The following MIB2 variants were observed in gnomAD, a reference collection of about 807,000 sequenced individuals.
MIB2 encodes the protein E3 ubiquitin-protein ligase MIB2.
Under a neutral mutation model 96.6 loss-of-function variants are expected in MIB2, and 78 were observed. The ratio of observed to expected loss-of-function variants is 0.81; its 90% CI spans 0.67 to 0.97. The LOEUF is 0.97. Ranked by LOEUF, MIB2 falls within the 50% of genes least tolerant of loss-of-function variation. MIB2 has a pLI of 0.00. For missense variants in MIB2, 1,543 were observed against 1,424.0 expected (o/e 1.08, Z -1.35); for synonymous variants, 820 against 629.5 (o/e 1.30, Z -4.53).
In MIB2 at chr1:1,626,398, C is replaced by G; in HGVS notation, c.973-252C>G. 1.9e-6 allele frequency: 1 copy of G among 518,270 alleles called. No individual in the cohort carries two copies. The highest frequency in any genetic ancestry group is 3.4e-6 in the Non-Finnish European group (1 of 295,404). 32.1% of individuals were successfully genotyped at this position (518,270 alleles called of 1,614,324 possible). A position where few individuals can be genotyped will look rare whatever the true frequency, so the allele number is the denominator to read the frequency against. On this transcript the variant is annotated intron_variant, in intron 8 of 19. Coordinates refer to ENST00000355826, the MANE Select transcript of MIB2 (RefSeq NM_001170687.4). This position sits in a 1 kb window ranked among gnomAD's most constrained non-coding sequence, Gnocchi z 5.3. Reference sequence around the variant, plus strand: ...AGGGCCAGCCACCTCGGCTTCACACCTGCCCAGAGCTGGCTTCTGTCTGCC... The same window carrying G: ...AGGGCCAGCCACCTCGGCTTCACACGTGCCCAGAGCTGGCTTCTGTCTGCC...
rs913956266 is a variant in MIB2, at chr1:1,626,512, T to C, written c.973-138T>C. On this transcript the variant is annotated intron_variant, in intron 8 of 19. Transcript: ENST00000355826. This position sits in a 1 kb window ranked among gnomAD's most constrained non-coding sequence, Gnocchi z 5.3. ...CTCGTCCAGCCAGAGCCTCTGGCAG[T>C]GCCTGGGGTCGGGGTCGGGGCCGGG... 3 of 697,650 alleles carry C rather than the reference T, an allele frequency of 4.3e-6. No individual in the cohort carries two copies. Among genetic ancestry groups the C allele is most frequent in the African/African-American group, 3.6e-5 (2 of 55,484 alleles). The allele number at this position is 697,650 out of a possible 1,614,324, so 43.2% of individuals were successfully genotyped here.
rs1003691696 is a variant in MIB2 at position 1,616,365 on chromosome 1, A to C, written c.-129-143A>C. The stretch of plus-strand genomic sequence containing the variant: ...TGCGCGCTCAGACCCCAGGGAGCCC[A>C]TCCGGGCAGGCGGCGGCCCTGAGTG... On this transcript the variant is annotated intron_variant, in intron 1 of 19. Coordinates refer to ENST00000355826, the MANE Select transcript of MIB2 (RefSeq NM_001170687.4). The C allele has an allele frequency of 7.9e-6, 5 of 630,328 alleles. No individual in the cohort carries two copies. In the Admixed American group the frequency reaches 1.7e-4, roughly 22 times the overall value. The allele number at this position is 630,328 out of a possible 1,614,324, so 39.0% of individuals were successfully genotyped here. A position where few individuals can be genotyped will look rare whatever the true frequency, so the allele number is the denominator to read the frequency against.
chr1:1,627,518 C>T lies in MIB2; in HGVS notation c.1523+74C>T, dbSNP rs998199809. ...GGGGTGAGGCCTGGGAGGGGCCCGG[C>T]CGGCGGGGCTGAGCCTGTGCGTCCT... On this transcript the variant is annotated intron_variant, in intron 12 of 19. Transcript: ENST00000355826. 3.3e-6 allele frequency: 5 copies of T among 1,495,496 alleles called. No homozygotes were observed. In the Admixed American group the frequency reaches 6.7e-5, roughly 20 times the overall value. 92.6% of individuals were successfully genotyped at this position (1,495,496 alleles called of 1,614,324 possible). A position where few individuals can be genotyped will look rare whatever the true frequency, so the allele number is the denominator to read the frequency against.
At chr1:1,627,866 G>C (rs759006522) in intron 13 of MIB2, 37 bp downstream of exon 13, 2 of 1,592,878 alleles carry the variant, frequency 1.3e-6, no homozygotes, top group South Asian at 1.1e-5. Flanking sequence ...CCCCCTGCCC[G>C]TGAGTGCTTG....
chr1:1,627,496 G>A, intron 12 of MIB2, 52 bp downstream of exon 12: 1 of 1,544,650 alleles, frequency 6.5e-7, no homozygotes, highest in Non-Finnish European at 8.7e-7. Context: ...GCGTCCTGGG[G>A]TGAGGCCTGG....
In MIB2 at chr1:1,625,805, G is replaced by A. The variant is rs72634817; in HGVS notation, c.972+152G>A. The A allele has an allele frequency of 0.3, 195,909 of 644,162 alleles. 34,357 individuals carry two copies. Among genetic ancestry groups the A allele is most frequent in the Non-Finnish European group, 0.38 (140,074 of 371,476 alleles). The allele number at this position is 644,162 out of a possible 1,614,324, so 39.9% of individuals were successfully genotyped here. The stretch of plus-strand genomic sequence containing the variant: ...GAAGGGGAGGGACTGGTGGGTGGAG[G>A]TGGGTGGGGTCAAGGAGAAGAGGGG... On this transcript the variant is annotated intron_variant, in intron 8 of 19. Coordinates refer to ENST00000355826, the MANE Select transcript of MIB2 (RefSeq NM_001170687.4). This position sits in a 1 kb window ranked among gnomAD's most constrained non-coding sequence, Gnocchi z 5.0.
chr1:1,627,245 TGAGA>T, intron 11 of MIB2, 38 bp downstream of exon 11: 1 of 1,612,620 alleles, frequency 6.2e-7, no homozygotes, highest in Non-Finnish European at 8.5e-7. Context: ...CTGGCCAGTC[TGAGA>T]GTGAGGGGCA....
rs1643718038 is a variant in MIB2, at chr1:1,616,584, C to T, written c.-53C>T. 2 of 1,601,580 alleles carry T rather than the reference C, an allele frequency of 1.2e-6. No individual in the cohort carries two copies. The highest frequency in any genetic ancestry group is 2.7e-5 in the African/African-American group (2 of 74,510). ...GGGCTGCAGCCCAGGAGCCTCAAGG[C>T]GGCCCGGCGGGCGACTGGACGGCCG... is the stretch of plus-strand genomic sequence containing the variant. On this transcript the variant is annotated 5_prime_UTR_variant, in exon 2 of 20. Coordinates refer to ENST00000355826, the MANE Select transcript of MIB2 (RefSeq NM_001170687.4).
chr1:1,620,275 A>G, intron 2 of MIB2, among the ~76,000 whole-genome samples: 1 of 152,084 alleles, frequency 6.6e-6, no homozygotes, highest in Non-Finnish European at 1.5e-5. Flanking sequence ...CCTGCTGCAG[A>G]AGGATCACAG....
chr1:1,616,063 G>A, intron 1 of MIB2: 2 of 984,278 alleles, frequency 2.0e-6, no homozygotes, highest in Non-Finnish European at 2.4e-6. Context: ...GAGCGGAGCG[G>A]GCGGGACGGA....
intron 2 of MIB2, chr1:1,616,998 C>G: frequency 4.3e-6 from 1 of 230,926 alleles, no homozygotes; most frequent in Non-Finnish European, 8.7e-6. Context: ...GACACCCCAG[C>G]CTGCAGGGTG....
intron 12 of MIB2, 43 bp downstream of exon 12, chr1:1,627,487 CGTCCTGGGGTG>C: frequency 6.5e-7 from 1 of 1,546,272 alleles, no homozygotes; most frequent in African/African-American, 1.5e-5. Context: ...TGAGCCTGTG[CGTCCTGGGGTG>C]AGGCCTGGGA....
chr1:1,629,125 C>G lies in MIB2; in HGVS notation c.2203-8C>G. 1 of 1,478,500 alleles carries G rather than the reference C, an allele frequency of 6.8e-7. No homozygotes were observed. The highest frequency in any genetic ancestry group is 8.9e-7 in the Non-Finnish European group (1 of 1,124,048). The allele number at this position is 1,478,500 out of a possible 1,614,324, so 91.6% of individuals were successfully genotyped here. ...CCCGCCCTCACCGGCGTCTGTCCTG[C>G]CGCCCAGCTACAGGCCTCGGGCCTC... On this transcript the variant is annotated splice_polypyrimidine_tract_variant and splice_region_variant and intron_variant, in intron 16 of 19. Transcript: ENST00000355826.
chr1:1,613,875 C>T (rs757223120), upstream of MIB2: 3 of 152,034 alleles, frequency 2.0e-5, no homozygotes, highest in African/African-American at 7.3e-5. Flanking sequence ...GCTGTGCAGC[C>T]GGGTCAGGAA....
At chr1:1,622,911 T>C (rs967447464) in intron 2 of MIB2, among the ~76,000 whole-genome samples, 3 of 152,028 alleles carry the variant, frequency 2.0e-5, no homozygotes, top group African/African-American at 7.2e-5. Flanking sequence ...TGTTTGCCGT[T>C]TTTCTGTTGG....
chr1:1,627,794 G>C lies in MIB2; in HGVS notation c.1645G>C (p.Ala549Pro), dbSNP rs1382264859. The change falls in exon 13 of 20, where the codon GCC becomes CCC. Residue 549 changes from alanine to proline, a missense_variant. Coordinates refer to ENST00000355826, the MANE Select transcript of MIB2 (RefSeq NM_001170687.4). ...GAGGGGCTTCCTGGAGGTGGTGCGG[G>C]CCCTGTGTGAGCGCGGCTGTGACGT... ...VQRGFLEVVR[A>P]LCERGCDVNL... 4 of 1,598,964 alleles carry C rather than the reference G, an allele frequency of 2.5e-6. No individual in the cohort carries two copies. Among genetic ancestry groups the C allele is most frequent in the Non-Finnish European group, 2.5e-6 (3 of 1,179,470 alleles).
intron 1 of MIB2, chr1:1,616,192 C>G (rs1268417077): frequency 1.6e-5 from 13 of 820,578 alleles, no homozygotes; most frequent in African/African-American, 3.7e-5. Context: ...GGGGCGCGCT[C>G]CGGGTGGGGG....
intron 4 of MIB2, 147 bp from the exon 5 acceptor site, chr1:1,624,648 C>G: frequency 1.3e-6 from 1 of 760,550 alleles, no homozygotes; most frequent in Non-Finnish European, 2.3e-6. Context: ...GCTGGACCGG[C>G]CATTCCCGGG....
In MIB2 at chr1:1,630,515, C is replaced by T. The variant is rs1638718898; in HGVS notation, c.2853C>T (p.Ile951=). The T allele has an allele frequency of 1.9e-6, 3 of 1,587,402 alleles. No homozygotes were observed. Among genetic ancestry groups the T allele is most frequent in the Non-Finnish European group, 2.6e-6 (3 of 1,173,322 alleles). Residue 951 remains isoleucine, a synonymous_variant, in exon 20 of 20, where the codon ATC becomes ATT. Transcript: ENST00000355826. ...PICRQPIRDR[I]QIFV is the part of the protein sequence containing the mutation. ...GCCGCCAGCCCATCCGCGACCGCAT[C>T]CAGATCTTCGTGTGAGCCGCGCCGT...
Sources: allele counts gnomAD v4.1 joint callset (sites outside exome capture counted in the v4.1 genomes callset), GRCh38; gene constraint gnomAD v4.1.1; non-coding constraint Gnocchi (gnomAD v3.1); transcripts MANE v1.5; gene names NCBI Gene and HGNC (gene_info 2026-07-23, HGNC 2026-07-21).